Variants in GPHN observed in about 807,000 individuals in gnomAD.
GPHN encodes gephyrin.
In GPHN, 17 loss-of-function variants were observed where a neutral mutation model predicts 95.5. The ratio of observed to expected loss-of-function variants is 0.18; its 90% confidence interval spans 0.12 to 0.27. The LOEUF (loss-of-function observed/expected upper bound fraction) is 0.27, where lower values mean the gene tolerates loss of function less well. Among genes scored for constraint, GPHN ranks in the 10% least tolerant of loss-of-function variants. The pLI is 1.00. For missense variants in GPHN, 660 were observed against 978.1 expected (o/e 0.67, Z 4.34); for synonymous variants, 320 against 322.5 (o/e 0.99, Z 0.08).
At chr14:66,950,479 T>C (rs919216620) in intron 8 of GPHN, among the ~76,000 whole-genome samples, 1 of 152,174 alleles carries the variant, frequency 6.6e-6, no homozygotes, top group African/African-American at 2.4e-5. Flanking sequence ...GTTCTTTCTA[T>C]TTAAAACAAT....
the GPHN span, among the ~76,000 whole-genome samples, chr14:67,406,510 G>T: frequency 6.6e-6 from 1 of 152,232 alleles, no homozygotes; most frequent in African/African-American, 2.4e-5. Flanking sequence ...TATGGCTTGG[G>T]CTCCATAGGG....
At chr14:66,631,851 C>T (rs188449758) in intron 1 of GPHN, among the ~76,000 whole-genome samples, 2 of 152,116 alleles carry the variant, frequency 1.3e-5, no homozygotes, top group East Asian at 1.9e-4. Flanking sequence ...AAGTGATTTC[C>T]GAATGTTTCT....
the GPHN span, among the ~76,000 whole-genome samples, chr14:67,314,071 C>T: frequency 2.6e-5 from 4 of 151,826 alleles, no homozygotes; most frequent in Non-Finnish European, 5.9e-5. Context: ...CTTTTATCTA[C>T]AACCTTTTTT....
At chr14:66,536,962 G>A (rs918141446) in intron 1 of GPHN, among the ~76,000 whole-genome samples, 7 of 152,044 alleles carry the variant, frequency 4.6e-5, no homozygotes, top group Admixed American at 1.3e-4. Flanking sequence ...GTTATTTTAC[G>A]GTTGAAATGA....
rs186054686 is a variant in GPHN, at chr14:67,086,774, C to T, written c.1145-2209C>T. On this transcript the variant is annotated intron_variant, in intron 11 of 22. Transcript: ENST00000478722. ...GTCTCTTCCGGCCAGGCGCGTGGCT[C>T]ACGCCTGTAATCTCAGCATTTTGGG... Among the ~76,000 whole-genome samples, 733 of 151,818 alleles carry T rather than the reference C, an allele frequency of 4.8e-3. 2 individuals are homozygous for T. The highest frequency in any genetic ancestry group is 7.5e-3 in the Non-Finnish European group (512 of 67,962).
chr14:67,473,392 A>AT, the GPHN span: 1 of 1,606,506 alleles, frequency 6.2e-7, no homozygotes, highest in Non-Finnish European at 8.5e-7. This position sits in a 1 kb window ranked among gnomAD's most constrained non-coding sequence, Gnocchi z 6.5. Context: ...TCCATGAGAG[A>AT]TCCCCAGGCC....
At chr14:66,852,000 G>A (rs1160822884) in intron 4 of GPHN, among the ~76,000 whole-genome samples, 1 of 152,118 alleles carries the variant, frequency 6.6e-6, no homozygotes, top group African/African-American at 2.4e-5. Flanking sequence ...CTGAGAATAA[G>A]GGTTGCAAAG....
At chr14:66,549,013 A>G (rs941089720) in intron 1 of GPHN, among the ~76,000 whole-genome samples, 1 of 152,070 alleles carries the variant, frequency 6.6e-6, no homozygotes, top group Non-Finnish European at 1.5e-5. Flanking sequence ...CTCTCATTTT[A>G]TTGGTTTCAC....
chr14:66,912,036 T>C (rs1306665423), intron 5 of GPHN, among the ~76,000 whole-genome samples: 1 of 152,068 alleles, frequency 6.6e-6, no homozygotes, highest in Non-Finnish European at 1.5e-5. Flanking sequence ...CTTTTGAAAA[T>C]ACAGATATTA....
At chr14:67,499,908 C>T in the GPHN span, among the ~76,000 whole-genome samples, 1 of 152,108 alleles carries the variant, frequency 6.6e-6, no homozygotes, top group African/African-American at 2.4e-5. Context: ...CATCTGAAGA[C>T]ACCTGGGGGC....
chr14:67,205,031 C>T, the GPHN span: 51 of 1,552,530 alleles, frequency 3.3e-5, no homozygotes, highest in Non-Finnish European at 3.3e-5. Context: ...ACAAACTGCT[C>T]GGGAGTCACA....
intron 1 of GPHN, among the ~76,000 whole-genome samples, chr14:66,652,321 T>C (rs909448695): frequency 6.6e-6 from 1 of 152,126 alleles, no homozygotes; most frequent in African/African-American, 2.4e-5. Context: ...AGGAAAATTA[T>C]TATTCGGTAA....
intron 10 of GPHN, among the ~76,000 whole-genome samples, chr14:67,034,820 A>G (rs879938135): frequency 6.6e-6 from 1 of 152,126 alleles, no homozygotes; most frequent in Non-Finnish European, 1.5e-5. Flanking sequence ...AATAGACAAT[A>G]ACACAATAAT....
chr14:66,569,242 A>C (rs2060578764), intron 1 of GPHN, among the ~76,000 whole-genome samples: 1 of 152,238 alleles, frequency 6.6e-6, no homozygotes, highest in Non-Finnish European at 1.5e-5. Flanking sequence ...TACAACTGAA[A>C]GGGAAAACTG....
chr14:67,474,279 A>T, the GPHN span, among the ~76,000 whole-genome samples: 2 of 147,584 alleles, frequency 1.4e-5, no homozygotes, highest in East Asian at 4.0e-4. Context: ...AAAAAAACAG[A>T]GCAAAGAACA....
chr14:67,159,302 TAAGA>T, intron 18 of GPHN, 109 bp from the exon 19 acceptor site: 2 of 767,944 alleles, frequency 2.6e-6, no homozygotes, highest in Non-Finnish European at 4.7e-6. Flanking sequence ...TCCATTAAAA[TAAGA>T]AAGATGTTTC....
the GPHN span, among the ~76,000 whole-genome samples, chr14:67,485,640 G>C: frequency 1.3e-5 from 2 of 152,188 alleles, no homozygotes; most frequent in Admixed American, 6.5e-5. Flanking sequence ...ACCAGGCTAC[G>C]GGCCCTGCAC....
At chr14:67,382,055 C>G in the GPHN span, among the ~76,000 whole-genome samples, 1 of 152,070 alleles carries the variant, frequency 6.6e-6, no homozygotes, top group Non-Finnish European at 1.5e-5. Context: ...CAGAATCTTT[C>G]ATTAGTGATA....
the GPHN span, among the ~76,000 whole-genome samples, chr14:67,723,174 G>C: frequency 6.6e-6 from 1 of 152,154 alleles, no homozygotes; most frequent in Non-Finnish European, 1.5e-5. Context: ...TAATGTTTTG[G>C]GATGGCTTTT....
Sources: gnomAD v4.1 joint callset for allele counts (sites outside exome capture counted in the v4.1 genomes callset) on GRCh38, gnomAD v4.1.1 for gene constraint, Gnocchi (gnomAD v3.1) non-coding constraint, MANE v1.5 for transcripts, NCBI Gene and HGNC (gene_info 2026-07-23, HGNC 2026-07-21) for gene names.